The following CYP4F2 variants were observed in gnomAD, a reference collection of about 807,000 sequenced individuals.
CYP4F2 encodes cytochrome P450 family 4 subfamily F member 2, also known as cytochrome P450 4F2.
Under a neutral mutation model 58.9 loss-of-function variants are expected in CYP4F2, and 58 were observed. The ratio of observed to expected loss-of-function variants is 0.98; its 90% CI spans 0.80 to 1.23. The LOEUF is 1.23. CYP4F2 is among the 50% of genes most tolerant of loss of function. The pLI is 0.00. For missense variants in CYP4F2, 616 were observed against 685.6 expected (o/e 0.90, Z 1.13); for synonymous variants, 287 against 261.1 (o/e 1.10, Z -0.95).
intron 9 of CYP4F2, among the ~76,000 whole-genome samples, chr19:15,884,710 G>C (rs985355974): frequency 3.3e-5 from 5 of 152,074 alleles, no homozygotes; most frequent in African/African-American, 1.2e-4. Context: ...TGCTGTGCTG[G>C]GCAAAGGTGT....
chr19:15,882,260 AAG>A (rs1555774186), intron 9 of CYP4F2, among the ~76,000 whole-genome samples: 2 of 144,026 alleles, frequency 1.4e-5, no homozygotes, highest in African/African-American at 2.5e-5. Flanking sequence ...TGAAAAAAAA[AAG>A]AAAGAAAGAA....
intron 7 of CYP4F2, chr19:15,886,645 G>T (rs2089381961): frequency 2.9e-6 from 1 of 343,520 alleles, no homozygotes; most frequent in Non-Finnish European, 5.3e-6. Flanking sequence ...TAGAGATTAA[G>T]TATTGCTTCA....
intron 9 of CYP4F2, among the ~76,000 whole-genome samples, chr19:15,884,872 G>A (rs1303411182): frequency 1.3e-5 from 2 of 151,974 alleles, no homozygotes; most frequent in Non-Finnish European, 2.9e-5. Context: ...ACTAGCCCTA[G>A]AAAGATCTTC....
chr19:15,879,239 G>A, intron 12 of CYP4F2, 107 bp downstream of exon 12: 2 of 1,449,248 alleles, frequency 1.4e-6, no homozygotes, highest in Admixed American at 2.0e-5. Flanking sequence ...GTGAGGGAAA[G>A]AGAGCTGGAA....
Position 15,879,628 on chromosome 19 carries a change from G to A in CYP4F2, c.1290C>T (p.Asn430=), listed in dbSNP as rs1234845155. The change falls in exon 11 of 13, where the codon AAC becomes AAT. Residue 430 remains asparagine (N), a synonymous_variant. Transcript: ENST00000221700. ...CLISVFGTHH[N]PAVWPDPEVY... Reference sequence around the variant, plus strand: ...CCTCAGGGTCCGGCCACACAGCTGGGTTGTGATGGGTTCCGAAAACACTGA... The same window carrying A: ...CCTCAGGGTCCGGCCACACAGCTGGATTGTGATGGGTTCCGAAAACACTGA... The A allele has an allele frequency of 6.2e-7, 1 of 1,614,060 alleles. No homozygotes were observed. Among genetic ancestry groups the A allele is most frequent in the African/African-American group, 1.3e-5 (1 of 74,922 alleles).
At chr19:15,895,356 G>A in intron 3 of CYP4F2, 150 bp downstream of exon 3, 1 of 1,130,982 alleles carries the variant, frequency 8.8e-7, no homozygotes, top group South Asian at 2.0e-5. Flanking sequence ...ACGCTGAGAT[G>A]GAAATTGATG....
In CYP4F2 at chr19:15,887,385, AAAACACAGACTTAG is replaced by A. The variant is rs557568958; in HGVS notation, c.919-1091_919-1078del. Among the ~76,000 whole-genome samples, 58 of 151,108 alleles carry A rather than the reference AAAACACAGACTTAG, an allele frequency of 3.8e-4. No homozygotes were observed. In the East Asian group the frequency reaches 0.012, roughly 30 times the overall value. The stretch of plus-strand genomic sequence containing the variant: ...ACACAGACATACGCACACATACACA[AAAACACAGACTTAG>A]AAACACAGACACACATAAACATAGA... On this transcript the variant is annotated intron_variant, in intron 7 of 12. Transcript: ENST00000221700.
chr19:15,895,355 T>G (rs569481103), intron 3 of CYP4F2, 151 bp downstream of exon 3: 4 of 1,116,612 alleles, frequency 3.6e-6, no homozygotes, highest in Non-Finnish European at 4.8e-6. Context: ...GACGCTGAGA[T>G]GGAAATTGAT....
intron 5 of CYP4F2, 132 bp from the exon 6 acceptor site, chr19:15,890,565 C>T: frequency 1.4e-6 from 2 of 1,396,622 alleles, no homozygotes; most frequent in Non-Finnish European, 1.9e-6. Context: ...CCCCAGGGAG[C>T]ACCAGGTTAT....
At chr19:15,891,731 T>C (rs1303614022) in intron 5 of CYP4F2, among the ~76,000 whole-genome samples, 1 of 152,154 alleles carries the variant, frequency 6.6e-6, no homozygotes, top group Non-Finnish European at 1.5e-5. Flanking sequence ...GCGCGCCTTC[T>C]GGAAGGAGAC....
chr19:15,880,010 C>A (rs1308681500), intron 9 of CYP4F2, 113 bp from the exon 10 acceptor site: 6 of 1,564,996 alleles, frequency 3.8e-6, no homozygotes, highest in Non-Finnish European at 5.2e-6. Flanking sequence ...AAACTTTTAA[C>A]AAGAATTGTT....
intron 9 of CYP4F2, 151 bp from the exon 10 acceptor site, chr19:15,880,048 G>C (rs1463593487): frequency 5.9e-6 from 9 of 1,526,482 alleles, no homozygotes; most frequent in Admixed American, 2.4e-5. Flanking sequence ...AAAATAGTGT[G>C]GCACTGTGGC....
Position 15,895,713 on chromosome 19 carries a change from G to T in CYP4F2, c.199-63C>A, listed in dbSNP as rs2089443706. 3 of 1,545,466 alleles carry T rather than the reference G, an allele frequency of 1.9e-6. No individual in the cohort carries two copies. The South Asian group carries it at 3.8e-5, about 19-fold the overall frequency. ...TTAATTCTAGGTGTCTACTTGACTG[G>T]GCTAAGGGATGCCCAGGTAGTTGGT... On this transcript the variant is annotated intron_variant, in intron 2 of 12. Coordinates refer to ENST00000221700, the MANE Select transcript of CYP4F2 (RefSeq NM_001082.5).
intron 3 of CYP4F2, among the ~76,000 whole-genome samples, chr19:15,895,211 G>C (rs73520818): frequency 0.022 from 3,343 of 152,226 alleles, 107 homozygotes; most frequent in African/African-American, 0.075. Flanking sequence ...CCATGAAGTT[G>C]GGGATATCTC....
At position 15,878,939 on chromosome 19, in the gene CYP4F2, A is replaced by T. The variant is rs377513974; in HGVS notation, c.1398-3T>A. ...CGAACGTCTGCCCGATGCAGTTCCTAGGGGAGGGAGGTGGGAACTCTGACT... is the reference window on the plus strand; with the variant it reads ...CGAACGTCTGCCCGATGCAGTTCCTTGGGGAGGGAGGTGGGAACTCTGACT... On this transcript the variant is annotated splice_polypyrimidine_tract_variant and splice_region_variant and intron_variant, in intron 12 of 12. Transcript: ENST00000221700. The T allele has an allele frequency of 6.8e-5, 110 of 1,612,498 alleles. No homozygotes were observed. Among genetic ancestry groups the T allele is most frequent in the Non-Finnish European group, 9.2e-5 (108 of 1,179,356 alleles).
chr19:15,884,154 C>A (rs2089361692), intron 9 of CYP4F2, among the ~76,000 whole-genome samples: 1 of 152,132 alleles, frequency 6.6e-6, no homozygotes, highest in Middle Eastern at 3.4e-3. Context: ...CATGTATACA[C>A]AATGGAATAC....
chr19:15,892,288 C>T (rs746392149), intron 5 of CYP4F2, 21 bp downstream of exon 5: 1 of 1,614,064 alleles, frequency 6.2e-7, no homozygotes, highest in Non-Finnish European at 8.5e-7. Flanking sequence ...GCAAGTGGGA[C>T]CTTGGCTTCA....
In CYP4F2 at chr19:15,894,179, A is replaced by C. The variant is rs116606253; in HGVS notation, c.343+1327T>G. Among the ~76,000 whole-genome samples, 1,466 of 152,264 alleles carry C rather than the reference A, an allele frequency of 9.6e-3. 23 individuals carry two copies. The highest frequency in any genetic ancestry group is 0.03 in the African/African-American group (1,259 of 41,546). On this transcript the variant is annotated intron_variant, in intron 3 of 12. Transcript: ENST00000221700. ...CTCTGAACAATAAAGTCACTTGCCCACAGTCCCAGACCACGGCAAGCCTGA... is the reference window on the plus strand; with the variant it reads ...CTCTGAACAATAAAGTCACTTGCCCCCAGTCCCAGACCACGGCAAGCCTGA...
intron 1 of CYP4F2, 83 bp downstream of exon 1, chr19:15,897,943 C>A: frequency 3.3e-6 from 1 of 301,426 alleles, no homozygotes; most frequent in Non-Finnish European, 6.3e-6. Context: ...GGCCAGCACC[C>A]AGGAGCTGCG....
Sources: allele counts gnomAD v4.1 joint callset (sites outside exome capture counted in the v4.1 genomes callset), GRCh38; gene constraint gnomAD v4.1.1; transcripts MANE v1.5; gene names NCBI Gene and HGNC (gene_info 2026-07-23, HGNC 2026-07-21).